WDR91: variants seen among roughly 807,000 people sequenced by gnomAD.
WDR91 encodes WD repeat-containing protein 91.
A neutral mutation model predicts 88.4 loss-of-function variants in WDR91; 52 were observed. The observed-to-expected ratio is 0.59, with a 90% CI of 0.47 to 0.74. The LOEUF (loss-of-function observed/expected upper bound fraction) is 0.74, where lower values mean the gene tolerates loss of function less well. Ranked by LOEUF, WDR91 falls within the 30% of genes least tolerant of loss-of-function variation. WDR91 has a pLI of 0.00. For missense variants in WDR91, 824 were observed against 954.5 expected, an observed-to-expected ratio of 0.86 and a Z score of 1.80; for synonymous variants, 362 against 389.5, an observed-to-expected ratio of 0.93 and a Z score of 0.83.
intron 9 of WDR91, chr7:135,193,980 C>T (rs564625760): frequency 4.0e-5 from 13 of 323,982 alleles, no homozygotes; most frequent in Middle Eastern, 1.0e-3. Flanking sequence ...TCCCTTTCTT[C>T]AGTTTGAAAC....
At position 135,196,366 on chromosome 7, in the gene WDR91, G is replaced by C. The variant is rs757503498; in HGVS notation, c.1051-29C>G. On this transcript the variant is annotated intron_variant, in intron 7 of 14. Transcript: ENST00000354475. This position sits in a 1 kb window ranked among gnomAD's most constrained non-coding sequence, Gnocchi z 4.2. ...TCACAAGCAGGGTGGGGACAAGTCA[G>C]CCAGGAAAGGGTCCCCCACACCAGG... 1 of 1,487,014 alleles carries C rather than the reference G, an allele frequency of 6.7e-7. No individual in the cohort carries two copies. The highest frequency in any genetic ancestry group is 8.9e-7 in the Non-Finnish European group (1 of 1,117,478). 92.1% of individuals were successfully genotyped at this position (1,487,014 alleles called of 1,614,324 possible).
At chr7:135,193,086 T>C (rs549630641) in intron 11 of WDR91, 145 bp downstream of exon 11, 66 of 1,204,966 alleles carry the variant, frequency 5.5e-5, no homozygotes, top group Non-Finnish European at 7.1e-5. Flanking sequence ...ATCTGCCCAG[T>C]TGGAGTACAC....
At chr7:135,193,506 G>C in intron 10 of WDR91, 72 bp downstream of exon 10, 1 of 1,611,102 alleles carries the variant, frequency 6.2e-7, no homozygotes, top group Non-Finnish European at 8.5e-7. Flanking sequence ...ATTAGGCTTG[G>C]GAAAGGACCA....
At chr7:135,210,826 C>T in intron 1 of WDR91, 1 of 703,726 alleles carries the variant, frequency 1.4e-6, no homozygotes, top group Non-Finnish European at 2.6e-6. Context: ...ATATACATTC[C>T]AAGAACCTCG....
chr7:135,203,076 T>C (rs1293124843), intron 6 of WDR91, among the ~76,000 whole-genome samples: 2 of 152,212 alleles, frequency 1.3e-5, no homozygotes, highest in Admixed American at 1.3e-4. Context: ...ACTATTATTA[T>C]CATCCCGAGC....
At chr7:135,189,494 C>T (rs1341352420) in intron 11 of WDR91, 42 bp from the exon 12 acceptor site, 4 of 1,551,004 alleles carry the variant, frequency 2.6e-6, no homozygotes, top group South Asian at 1.1e-5. Context: ...GATCTTCACT[C>T]AGCCCAGGCA....
In WDR91 at chr7:135,186,232, A is replaced by C. The variant is rs1830934084; in HGVS notation, c.2163T>G (p.Thr721=). The change falls in exon 15 of 15, where the codon ACT becomes ACG. Residue 721 remains threonine (T), a synonymous_variant. Transcript: ENST00000354475. The part of the protein sequence containing the change: ...RAPVVTVDWS[T]AMDCGTCLTA... ...TGAGGCAGGTCCCACAGTCCATGGC[A>C]GTGCTCCAGTCCACGGTGACCACAG... is the stretch of plus-strand genomic sequence containing the variant. The C allele has an allele frequency of 6.2e-7, 1 of 1,611,228 alleles. No homozygotes were observed. The highest frequency in any genetic ancestry group is 1.7e-5 in the Admixed American group (1 of 59,512).
intron 9 of WDR91, chr7:135,193,915 G>A (rs1026458140): frequency 4.2e-5 from 21 of 495,932 alleles, no homozygotes; most frequent in South Asian, 1.5e-4. Flanking sequence ...GGAGAGACGC[G>A]TCACCTTGGA....
chr7:135,198,290 T>A, intron 6 of WDR91, 139 bp from the exon 7 acceptor site: 1 of 992,462 alleles, frequency 1.0e-6, no homozygotes, highest in Non-Finnish European at 1.4e-6. Flanking sequence ...CTCAGCTATG[T>A]AGGTGAGGTC....
At position 135,193,652 on chromosome 7, in the gene WDR91, C is replaced by T; in HGVS notation, c.1416G>A (p.Val472=). ...RDRLLLLGSG[V]GTVRLYDTEA... is the part of the protein sequence containing the mutation. ...CCGTGTCATAGAGACGCACTGTTCC[C>T]ACACCACTGCCCAGCAAGAGCTGGA... The change falls in exon 10 of 15, where the codon GTG becomes GTA. Residue 472 remains valine, a synonymous_variant. Coordinates refer to ENST00000354475, the MANE Select transcript of WDR91 (RefSeq NM_014149.4). 1 of 1,614,074 alleles carries T rather than the reference C, an allele frequency of 6.2e-7. No homozygotes were observed. The highest frequency in any genetic ancestry group is 8.5e-7 in the Non-Finnish European group (1 of 1,179,994).
Position 135,185,578 on chromosome 7 carries a change from G to T in WDR91, c.*573C>A, listed in dbSNP as rs1340216505. 1.3e-5 allele frequency: 2 copies of T among 152,178 alleles called. No individual in the cohort carries two copies. Among genetic ancestry groups the T allele is most frequent in the Non-Finnish European group, 2.9e-5 (2 of 68,060 alleles). The allele number at this position is 152,178 out of a possible 1,614,324, so 9.4% of individuals were successfully genotyped here. The stretch of plus-strand genomic sequence containing the variant: ...TTCAGGGAAGAAAAAGAATTCTGTG[G>T]CCTTGACTTAAGCCCAGAGAAACAG... On this transcript the variant is annotated 3_prime_UTR_variant, in exon 15 of 15. Coordinates refer to ENST00000354475, the MANE Select transcript of WDR91 (RefSeq NM_014149.4).
In WDR91 at chr7:135,204,251, G is replaced by T; in HGVS notation, c.891+17C>A. 1 of 1,612,832 alleles carries T rather than the reference G, an allele frequency of 6.2e-7. No homozygotes were observed. The highest frequency in any genetic ancestry group is 1.1e-5 in the South Asian group (1 of 91,016). ...GGCCTTCTTGGCCAGAGTTAGAGAG[G>T]CAGGACTTGTGCTTACCTGACCACC... On this transcript the variant is annotated intron_variant, in intron 6 of 14. Transcript: ENST00000354475.
At chr7:135,187,237 C>G in intron 13 of WDR91, 68 bp from the exon 14 acceptor site, 1 of 1,548,560 alleles carries the variant, frequency 6.5e-7, no homozygotes, top group Non-Finnish European at 8.9e-7. Flanking sequence ...AAGGAAGAGC[C>G]AGGACCCACC....
chr7:135,205,591 T>C (rs1831738282), intron 5 of WDR91, among the ~76,000 whole-genome samples: 1 of 152,158 alleles, frequency 6.6e-6, no homozygotes, highest in Non-Finnish European at 1.5e-5. Flanking sequence ...ATCCCATCTC[T>C]ACTAAAAATA....
In WDR91 at chr7:135,183,895, TG is replaced by T. The variant is rs1830847690; in HGVS notation, c.*2255del. On this transcript the variant is annotated 3_prime_UTR_variant, in exon 15 of 15. Transcript: ENST00000354475. The stretch of plus-strand genomic sequence containing the variant: ...CGCTCACCCGGGATGGAGTAAGAAG[TG>T]GGATGGGAGAAGCGTAGGGTTCAAA... The T allele has an allele frequency of 6.6e-6, 1 of 151,846 alleles. No homozygotes were observed. The highest frequency in any genetic ancestry group is 6.6e-5 in the Admixed American group (1 of 15,252). The allele number at this position is 151,846 out of a possible 1,614,324, so 9.4% of individuals were successfully genotyped here. A position where few individuals can be genotyped will look rare whatever the true frequency, so the allele number is the denominator to read the frequency against.
chr7:135,189,253 A>T, intron 12 of WDR91, 91 bp downstream of exon 12: 1 of 1,115,830 alleles, frequency 9.0e-7, no homozygotes, highest in Middle Eastern at 2.9e-4. Context: ...AAAAGCCTCT[A>T]GCCCAGCTGG....
chr7:135,186,268 G>C lies in WDR91; in HGVS notation c.2127C>G (p.Gly709=). Residue 709 remains glycine, a synonymous_variant, in exon 15 of 15, where the codon GGC becomes GGG. Coordinates refer to ENST00000354475, the MANE Select transcript of WDR91 (RefSeq NM_014149.4). ...KVLESCLSLG[G]HRAPVVTVDW... is the part of the protein sequence containing the mutation. ...CCACGGTGACCACAGGGGCTCGGTGGCCACCTAGGCTCAAGCAGCTCTCCA... is the reference window on the plus strand; with the variant it reads ...CCACGGTGACCACAGGGGCTCGGTGCCCACCTAGGCTCAAGCAGCTCTCCA... The C allele has an allele frequency of 6.2e-7, 1 of 1,612,498 alleles. No individual in the cohort carries two copies.
chr7:135,207,242 T>G, intron 3 of WDR91, 40 bp from the exon 4 acceptor site: 1 of 1,553,378 alleles, frequency 6.4e-7, no homozygotes, highest in Non-Finnish European at 8.8e-7. Flanking sequence ...CTGAAATGTT[T>G]AAACGTCCTT....
intron 6 of WDR91, chr7:135,199,774 C>T (rs10266018): frequency 0.24 from 36,638 of 152,104 alleles, 5,193 homozygotes; most frequent in South Asian, 0.43. Context: ...CCTTATTCAG[C>T]CCCTCCACTG....
Sources: gnomAD v4.1 joint callset for allele counts (sites outside exome capture counted in the v4.1 genomes callset) on GRCh38, gnomAD v4.1.1 for gene constraint, Gnocchi (gnomAD v3.1) non-coding constraint, MANE v1.5 for transcripts, NCBI Gene and HGNC (gene_info 2026-07-23, HGNC 2026-07-21) for gene names.